The following ROBO2 variants were observed in gnomAD, a reference collection of about 807,000 sequenced individuals.
The protein encoded by ROBO2 is roundabout guidance receptor 2.
A neutral mutation model predicts 160.8 loss-of-function variants in ROBO2; 53 were observed. That is an observed-to-expected ratio of 0.33 (90% CI 0.26 to 0.41). ROBO2 has a LOEUF of 0.41. ROBO2 is among the 10% of genes least tolerant of loss of function. The pLI is 1.00. For synonymous variants in ROBO2, 664 were observed against 611.7 expected (o/e 1.09, Z -1.26); for missense variants, 1,577 against 1,722.4 (o/e 0.92, Z 1.49).
At chr3:76,875,630 TC>T (rs1291592224) in intron 2 of ROBO2, among the ~76,000 whole-genome samples, 2 of 152,040 alleles carry the variant, frequency 1.3e-5, no homozygotes, top group Non-Finnish European at 1.5e-5. Flanking sequence ...CTATCATACT[TC>T]CTTTTTGGAT....
chr3:76,619,848 A>G (rs954848302), intron 2 of ROBO2, among the ~76,000 whole-genome samples: 6 of 152,188 alleles, frequency 3.9e-5, no homozygotes, highest in Non-Finnish European at 7.3e-5. Flanking sequence ...ACTTTGTGAG[A>G]AACAGTTCTT....
chr3:77,316,230 A>G (rs1365039771), intron 2 of ROBO2, among the ~76,000 whole-genome samples: 1 of 152,126 alleles, frequency 6.6e-6, no homozygotes, highest in African/African-American at 2.4e-5. Flanking sequence ...CCAAAATGGC[A>G]CGGAAGAAAC....
chr3:75,989,123 G>C (rs2065495372), intron 2 of ROBO2, among the ~76,000 whole-genome samples: 2 of 149,514 alleles, frequency 1.3e-5, no homozygotes, highest in South Asian at 4.2e-4. Context: ...TTGTTGTTTT[G>C]TTTGTTTGTT....
At chr3:76,176,094 G>A (rs890065183) in intron 2 of ROBO2, among the ~76,000 whole-genome samples, 2 of 151,888 alleles carry the variant, frequency 1.3e-5, no homozygotes, top group African/African-American at 4.8e-5. Context: ...TGGGACACAT[G>A]CTGCTTCTCT....
At chr3:77,579,269 A>G (rs1038025095) in intron 15 of ROBO2, among the ~76,000 whole-genome samples, 1 of 152,126 alleles carries the variant, frequency 6.6e-6, no homozygotes, top group Non-Finnish European at 1.5e-5. Context: ...GACTTCCTTA[A>G]CATCAATATC....
intron 2 of ROBO2, among the ~76,000 whole-genome samples, chr3:76,620,312 T>G (rs921312873): frequency 1.5e-4 from 23 of 152,272 alleles, no homozygotes; most frequent in Admixed American, 8.5e-4. Context: ...AAGCTACAAA[T>G]TTTACAGTTC....
chr3:77,323,044 G>GATAAT (rs1446628285), intron 2 of ROBO2, among the ~76,000 whole-genome samples: 8 of 128,658 alleles, frequency 6.2e-5, no homozygotes, highest in African/African-American at 1.3e-4. Context: ...TTATATTATG[G>GATAAT]ATAATATAAT....
intron 2 of ROBO2, among the ~76,000 whole-genome samples, chr3:76,873,391 C>T (rs1384376519): frequency 1.3e-5 from 2 of 152,192 alleles, no homozygotes; most frequent in Non-Finnish European, 2.9e-5. Context: ...ACTCCTTCTA[C>T]TATCAGCAAA....
At chr3:77,174,523 C>T (rs2079947822) in intron 2 of ROBO2, among the ~76,000 whole-genome samples, 2 of 151,892 alleles carry the variant, frequency 1.3e-5, no homozygotes, top group African/African-American at 4.8e-5. Context: ...CCATCTTTGT[C>T]TTTCTGTCTT....
At chr3:76,444,674 G>T (rs188153401) in intron 2 of ROBO2, among the ~76,000 whole-genome samples, 194 of 152,212 alleles carry the variant, frequency 1.3e-3, no homozygotes, top group Non-Finnish European at 1.2e-3. Context: ...CCTTCCACTA[G>T]GTCTCTCCCT....
intron 1 of ROBO2, among the ~76,000 whole-genome samples, chr3:77,045,358 C>G (rs2064537948): frequency 6.6e-6 from 1 of 152,106 alleles, no homozygotes; most frequent in African/African-American, 2.4e-5. Flanking sequence ...TTCATCTAAT[C>G]ACATGAGGTT....
chr3:77,442,603 C>T (rs1348612860), intron 2 of ROBO2, among the ~76,000 whole-genome samples: 1 of 152,126 alleles, frequency 6.6e-6, no homozygotes, highest in Non-Finnish European at 1.5e-5. Flanking sequence ...GGCACAATAT[C>T]ATGGTGCTGT....
chr3:77,056,951 C>T (rs577482364), intron 1 of ROBO2, among the ~76,000 whole-genome samples: 1 of 152,140 alleles, frequency 6.6e-6, no homozygotes, highest in Non-Finnish European at 1.5e-5. Flanking sequence ...ACCCAGAGAT[C>T]CCATTACTGG....
intron 2 of ROBO2, among the ~76,000 whole-genome samples, chr3:77,287,425 A>ATT (rs80126100): frequency 6.6e-6 from 1 of 151,826 alleles, no homozygotes; most frequent in Non-Finnish European, 1.5e-5. Context: ...GTAATACAAC[A>ATT]TTTTTTTTCC....
chr3:75,966,663 A>G lies in ROBO2; in HGVS notation c.109+29061A>G, dbSNP rs1949128175. Among the ~76,000 whole-genome samples, 3 of 151,664 alleles carry G rather than the reference A, an allele frequency of 2.0e-5. No homozygotes were observed. The South Asian group carries it at 6.2e-4, about 31-fold the overall frequency. The stretch of plus-strand genomic sequence containing the variant: ...ATCTCATAATGTTGTGTGTTGGTTA[A>G]ATAAGACAATTTGTAAAATTGTCAA... On this transcript the variant is annotated intron_variant, in intron 2 of 26. Transcript: ENST00000487694.
chr3:76,372,828 A>G (rs1300759053), intron 2 of ROBO2, among the ~76,000 whole-genome samples: 1 of 151,952 alleles, frequency 6.6e-6, no homozygotes, highest in Non-Finnish European at 1.5e-5. Context: ...GGACTAGGAA[A>G]TGCTAACCCT....
chr3:76,762,927 T>A (rs927576654), intron 2 of ROBO2, among the ~76,000 whole-genome samples: 10 of 151,638 alleles, frequency 6.6e-5, no homozygotes, highest in African/African-American at 2.2e-4. Flanking sequence ...TCAGAAGGAG[T>A]ATTGTTCACG....
intron 2 of ROBO2, among the ~76,000 whole-genome samples, chr3:76,908,782 G>A (rs1372181695): frequency 6.6e-6 from 1 of 152,144 alleles, no homozygotes; most frequent in Non-Finnish European, 1.5e-5. Context: ...TTGTGTATGA[G>A]AAGCCTGTTT....
chr3:75,987,028 T>C (rs1264647837), intron 2 of ROBO2, among the ~76,000 whole-genome samples: 1 of 151,864 alleles, frequency 6.6e-6, no homozygotes, highest in Non-Finnish European at 1.5e-5. Context: ...TTGTTCTTTT[T>C]CAAGATTGTT....
Sources: allele counts gnomAD v4.1 joint callset (sites outside exome capture counted in the v4.1 genomes callset), GRCh38; gene constraint gnomAD v4.1.1; transcripts MANE v1.5; gene names NCBI Gene and HGNC (gene_info 2026-07-23, HGNC 2026-07-21).